The following DACH1 variants were observed in gnomAD, a reference collection of about 807,000 sequenced individuals.
DACH1 encodes the protein dachshund family transcription factor 1, also known as dachshund homolog 1.
DACH1 carries 12 observed loss-of-function variants against 54.2 expected under a neutral mutation model. The ratio of observed to expected loss-of-function variants is 0.22; its 90% CI spans 0.14 to 0.36. The LOEUF (loss-of-function observed/expected upper bound fraction) is 0.36, where lower values mean the gene tolerates loss of function less well. Ranked by LOEUF, DACH1 falls within the 10% of genes least tolerant of loss-of-function variation. The pLI is 1.00. For missense variants in DACH1, 805 were observed against 929.8 expected, an observed-to-expected ratio of 0.87 and a Z score of 1.75; for synonymous variants, 386 against 366.2, an observed-to-expected ratio of 1.05 and a Z score of -0.62.
intron 2 of DACH1, among the ~76,000 whole-genome samples, chr13:71,677,647 CCAATGTTCAATTCTTGAAAAGAAA>C (rs1313834611): frequency 6.6e-6 from 1 of 151,986 alleles, no homozygotes; most frequent in African/African-American, 2.4e-5. Context: ...TTATTTAACT[CCAATGTTCAATTCTTGAAAAGAAA>C]CAATAAAAGT....
In DACH1 at chr13:71,735,622, G is replaced by GGATATA. The variant is rs1370948352; in HGVS notation, c.849-53713_849-53712insTATATC. 7.6e-4 allele frequency among the ~76,000 whole-genome samples: 115 copies of GGATATA among 151,266 alleles called. 1 individual carries two copies. The highest frequency in any genetic ancestry group is 2.5e-3 in the African/African-American group (102 of 41,060). On this transcript the variant is annotated intron_variant, in intron 1 of 10. Coordinates refer to ENST00000613252, the MANE Select transcript of DACH1 (RefSeq NM_080759.6). ...CGTATATGGGATATACGTGTATATG[G>GGATATA]CATATGTGTATATGGGATATACGTG...
chr13:71,770,500 C>T (rs1282665992), intron 1 of DACH1, among the ~76,000 whole-genome samples: 1 of 151,500 alleles, frequency 6.6e-6, no homozygotes, highest in Non-Finnish European at 1.5e-5. Context: ...CCCCGTAATC[C>T]AGTAACATTT....
intron 1 of DACH1, among the ~76,000 whole-genome samples, chr13:71,724,480 A>G (rs1461278717): frequency 6.6e-6 from 1 of 152,174 alleles, no homozygotes; most frequent in African/African-American, 2.4e-5. Context: ...ACCAACAGAA[A>G]TCCTGAGATC....
chr13:71,615,371 T>A (rs1875683942), intron 3 of DACH1, among the ~76,000 whole-genome samples: 1 of 152,218 alleles, frequency 6.6e-6, no homozygotes, highest in Non-Finnish European at 1.5e-5. Context: ...AAACCAAGCT[T>A]ATTAAGGGCT....
chr13:71,802,227 A>G (rs962156462), intron 1 of DACH1, among the ~76,000 whole-genome samples: 13 of 151,894 alleles, frequency 8.6e-5, no homozygotes, highest in African/African-American at 1.5e-4. Context: ...AATATTCACC[A>G]TCCTTTATTT....
At chr13:71,706,856 T>C (rs1353154107) in intron 1 of DACH1, among the ~76,000 whole-genome samples, 4 of 152,228 alleles carry the variant, frequency 2.6e-5, no homozygotes, top group Non-Finnish European at 5.9e-5. Flanking sequence ...CTCACATTTA[T>C]AATGAATCTG....
intron 1 of DACH1, among the ~76,000 whole-genome samples, chr13:71,727,195 T>C (rs572309430): frequency 6.6e-6 from 1 of 152,250 alleles, no homozygotes; most frequent in South Asian, 2.1e-4. Flanking sequence ...AAGCTGTCAT[T>C]CATAAGATTT....
intron 1 of DACH1, among the ~76,000 whole-genome samples, chr13:71,759,578 C>T (rs1885316078): frequency 6.6e-6 from 1 of 152,022 alleles, no homozygotes; most frequent in South Asian, 2.1e-4. Flanking sequence ...GATTACTAAA[C>T]CAAGAGAAAT....
intron 1 of DACH1, chr13:71,704,155 C>A: frequency 5.2e-6 from 1 of 191,470 alleles, no homozygotes; most frequent in South Asian, 1.1e-4. Context: ...TTTTCTGGAC[C>A]CGCCATCTTC....
intron 1 of DACH1, among the ~76,000 whole-genome samples, chr13:71,744,022 G>T (rs960160916): frequency 6.6e-6 from 1 of 152,064 alleles, no homozygotes; most frequent in Non-Finnish European, 1.5e-5. Flanking sequence ...TACCACAGAG[G>T]ACAGATAAGG....
At chr13:71,622,162 T>G (rs1876295968) in intron 3 of DACH1, among the ~76,000 whole-genome samples, 1 of 152,174 alleles carries the variant, frequency 6.6e-6, no homozygotes, top group East Asian at 1.9e-4. Context: ...AGATTTCACA[T>G]GTCATGATTG....
At chr13:71,484,716 G>C (rs1878333153) in intron 7 of DACH1, among the ~76,000 whole-genome samples, 1 of 152,006 alleles carries the variant, frequency 6.6e-6, no homozygotes, top group African/African-American at 2.4e-5. Flanking sequence ...TTTGTAACAA[G>C]ATAAACAAAG....
At chr13:71,558,190 C>T (rs1304716320) in intron 5 of DACH1, among the ~76,000 whole-genome samples, 1 of 151,828 alleles carries the variant, frequency 6.6e-6, no homozygotes, top group Non-Finnish European at 1.5e-5. Flanking sequence ...TGACATTATG[C>T]CTATATTGAG....
At position 71,479,176 on chromosome 13, in the gene DACH1, C is replaced by A. The variant is rs367754294; in HGVS notation, c.1863G>T (p.Lys621Asn). 4.3e-6 allele frequency: 7 copies of A among 1,609,486 alleles called. No individual in the cohort carries two copies. The highest frequency in any genetic ancestry group is 5.1e-6 in the Non-Finnish European group (6 of 1,178,582). Reference sequence around the variant, plus strand: ...CTGGAAATTTGGAAATACCTCTATTCTTTTGTTCCATAGCCAACTGCTTCT... The same window carrying A: ...CTGGAAATTTGGAAATACCTCTATTATTTTGTTCCATAGCCAACTGCTTCT... The part of the protein sequence containing the change: ...TLEKQLAMEQ[K>N]NRAIVQKRLK... Residue 621 changes from lysine to asparagine, a missense_variant, in exon 8 of 11, where the codon AAG (lysine) becomes AAT (asparagine). Lys to Asn is a moderately conservative substitution (Grantham distance 94, BLOSUM62 0). Transcript: ENST00000613252.
chr13:71,492,776 T>A (rs1879093633), intron 6 of DACH1, among the ~76,000 whole-genome samples: 1 of 151,722 alleles, frequency 6.6e-6, no homozygotes, highest in Non-Finnish European at 1.5e-5. Context: ...TATGTGTGTG[T>A]GTATGGTGTG....
At chr13:71,845,589 A>ACTT in intron 1 of DACH1, among the ~76,000 whole-genome samples, 1 of 152,280 alleles carries the variant, frequency 6.6e-6, no homozygotes, top group Admixed American at 6.5e-5. Context: ...CTGGAAAGAA[A>ACTT]CTTTATTACA....
At chr13:71,690,252 A>G (rs1881407094) in intron 1 of DACH1, among the ~76,000 whole-genome samples, 1 of 152,222 alleles carries the variant, frequency 6.6e-6, no homozygotes, top group Admixed American at 6.5e-5. Flanking sequence ...TATACAATTT[A>G]ATACTATTTA....
At chr13:71,592,443 C>T (rs1873780142) in intron 3 of DACH1, among the ~76,000 whole-genome samples, 1 of 125,894 alleles carries the variant, frequency 7.9e-6, no homozygotes, top group South Asian at 2.7e-4. Context: ...TGCATTGAGT[C>T]ATAACCGTGC....
At chr13:71,654,453 A>ATAAAATAAAGTAAAG (rs1566409091) in intron 2 of DACH1, among the ~76,000 whole-genome samples, 3 of 78,738 alleles carry the variant, frequency 3.8e-5, no homozygotes, top group Admixed American at 1.4e-4. Context: ...ATAAAATAAA[A>ATAAAATAAAGTAAAG]TAAAGTAAAA....
Sources: gnomAD v4.1 joint callset for allele counts (sites outside exome capture counted in the v4.1 genomes callset) on GRCh38, gnomAD v4.1.1 for gene constraint, MANE v1.5 for transcripts, NCBI Gene and HGNC (gene_info 2026-07-23, HGNC 2026-07-21) for gene names.